The following FANCC variants were observed in gnomAD, a reference collection of about 807,000 sequenced individuals.
FANCC encodes the protein Fanconi anemia group C protein.
A neutral mutation model predicts 71.3 loss-of-function variants in FANCC; 55 were observed. That is an observed-to-expected ratio of 0.77 (90% CI 0.62 to 0.97). FANCC has a LOEUF of 0.97. Ranked by LOEUF, FANCC falls within the 50% of genes least tolerant of loss-of-function variation. The pLI is 0.00. For synonymous variants in FANCC, 275 were observed against 244.9 expected (o/e 1.12, Z -1.15); for missense variants, 678 against 670.9 (o/e 1.01, Z -0.12).
Position 95,171,950 on chromosome 9 carries a change from G to C in FANCC, c.456+87C>G, listed in dbSNP as rs185972354. ...AAAGAAAAGTTAAACATCTCTTCTG[G>C]AGGACTGAAATATTTCCATTTACTC... On this transcript the variant is annotated intron_variant, in intron 5 of 14. Transcript: ENST00000289081. 34 of 838,100 alleles carry C rather than the reference G, an allele frequency of 4.1e-5. No individual in the cohort carries two copies. In the East Asian group the frequency reaches 8.0e-4, roughly 20 times the overall value. The allele number at this position is 838,100 out of a possible 1,614,324, so 51.9% of individuals were successfully genotyped here. A position where few individuals can be genotyped will look rare whatever the true frequency, so the allele number is the denominator to read the frequency against.
chr9:95,150,514 C>T (rs1165058882), intron 6 of FANCC, among the ~76,000 whole-genome samples: 1 of 152,150 alleles, frequency 6.6e-6, no homozygotes, highest in African/African-American at 2.4e-5. Flanking sequence ...CACTGTCCTC[C>T]TAAGTGGAGA....
chr9:95,254,716 C>G (rs1831555141), intron 1 of FANCC, among the ~76,000 whole-genome samples: 1 of 152,152 alleles, frequency 6.6e-6, no homozygotes, highest in Admixed American at 6.5e-5. Flanking sequence ...CCTGGAACAC[C>G]AGCGAGACAG....
chr9:95,102,560 T>C (rs1404022109), intron 14 of FANCC, among the ~76,000 whole-genome samples: 1 of 152,254 alleles, frequency 6.6e-6, no homozygotes, highest in African/African-American at 2.4e-5. Context: ...AACCGATATA[T>C]TCACTTAGTG....
intron 1 of FANCC, among the ~76,000 whole-genome samples, chr9:95,256,580 A>C (rs1478915720): frequency 2.6e-5 from 4 of 152,218 alleles, no homozygotes; most frequent in Non-Finnish European, 2.9e-5. Flanking sequence ...CCACCGCAAA[A>C]AAATACCAAA....
chr9:95,130,299 T>TGTGAGAGAGA (rs369901906), intron 8 of FANCC, among the ~76,000 whole-genome samples: 1 of 149,192 alleles, frequency 6.7e-6, no homozygotes, highest in African/African-American at 2.5e-5. Flanking sequence ...TGTGTGTGTG[T>TGTGAGAGAGA]GAGAGAGAGA....
intron 4 of FANCC, among the ~76,000 whole-genome samples, chr9:95,212,304 A>T (rs1429659550): frequency 2.0e-5 from 3 of 152,210 alleles, no homozygotes; most frequent in African/African-American, 7.2e-5. Flanking sequence ...AAACCATACC[A>T]TGATACATCA....
intron 3 of FANCC, among the ~76,000 whole-genome samples, chr9:95,245,445 C>T (rs1199530515): frequency 6.6e-6 from 1 of 151,860 alleles, no homozygotes; most frequent in South Asian, 2.1e-4. Context: ...AGTGTTTTCT[C>T]CTATACACAT....
At chr9:95,111,069 A>C in intron 13 of FANCC, 1 of 1,493,184 alleles carries the variant, frequency 6.7e-7, no homozygotes, top group Non-Finnish European at 8.9e-7. Context: ...GCTGCTGGGG[A>C]GCGAGACAGG....
In FANCC at chr9:95,268,647, G is replaced by T. The variant is rs577308823; in HGVS notation, c.-78-19278C>A. 2.0e-5 allele frequency among the ~76,000 whole-genome samples: 3 copies of T among 152,246 alleles called. 1 individual carries two copies. In the South Asian group the frequency reaches 6.2e-4, roughly 32 times the overall value. ...CAATATAAAAAATCTTGGAAAACTG[G>T]TAACAATACACATCGTAATTGTTTG... On this transcript the variant is annotated intron_variant, in intron 1 of 14. Transcript: ENST00000289081.
chr9:95,181,709 G>A (rs1299276365), intron 4 of FANCC, among the ~76,000 whole-genome samples: 1 of 152,182 alleles, frequency 6.6e-6, no homozygotes, highest in Non-Finnish European at 1.5e-5. Flanking sequence ...CCTGACCACT[G>A]ATATAAAATC....
At chr9:95,190,856 C>T (rs1328633536) in intron 4 of FANCC, among the ~76,000 whole-genome samples, 3 of 152,186 alleles carry the variant, frequency 2.0e-5, no homozygotes, top group Non-Finnish European at 1.5e-5. Context: ...TTGTACAGTC[C>T]CATGATTTTA....
chr9:95,289,824 A>G (rs1338740287), intron 1 of FANCC, among the ~76,000 whole-genome samples: 1 of 151,798 alleles, frequency 6.6e-6, no homozygotes, highest in Non-Finnish European at 1.5e-5. Context: ...CTAATCTGAT[A>G]TTATTTTTAT....
At position 95,247,501 on chromosome 9, in the gene FANCC, T is replaced by C; in HGVS notation, c.181A>G (p.Ile61Val). Residue 61 changes from isoleucine to valine, a missense_variant, in exon 3 of 15, where the codon ATT (isoleucine) becomes GTT (valine). Coordinates refer to ENST00000289081, the MANE Select transcript of FANCC (RefSeq NM_000136.3). ...TGACCAATTGTGGGGAATCTTTCAA[T>C]GACTGTATTAGAATCCTGTGAAAGA... ...ALKEMDSNTV[I>V]ERFPTIGQLL... The C allele has an allele frequency of 6.2e-7, 1 of 1,613,216 alleles. No homozygotes were observed. The highest frequency in any genetic ancestry group is 8.5e-7 in the Non-Finnish European group (1 of 1,179,346).
At chr9:95,150,654 CT>C (rs1424948687) in intron 6 of FANCC, among the ~76,000 whole-genome samples, 1 of 152,228 alleles carries the variant, frequency 6.6e-6, no homozygotes, top group Admixed American at 6.5e-5. Flanking sequence ...CAACACTTGT[CT>C]GCTCAAAGCT....
At chr9:95,158,757 T>A (rs923160401) in intron 6 of FANCC, among the ~76,000 whole-genome samples, 8 of 152,186 alleles carry the variant, frequency 5.3e-5, no homozygotes, top group South Asian at 2.1e-4. Context: ...CAGATGTTTT[T>A]AAAAAGTCAT....
intron 4 of FANCC, among the ~76,000 whole-genome samples, chr9:95,211,810 G>A (rs574412755): frequency 7.4e-5 from 11 of 149,078 alleles, no homozygotes; most frequent in South Asian, 2.2e-4. Flanking sequence ...ACAATTACAC[G>A]TATTATAGGT....
chr9:95,240,345 T>C (rs1830564284), intron 4 of FANCC, among the ~76,000 whole-genome samples: 1 of 152,214 alleles, frequency 6.6e-6, no homozygotes, highest in Non-Finnish European at 1.5e-5. Context: ...TTTTGAAGGA[T>C]AGCAATTGCT....
chr9:95,316,241 C>A (rs979058769), intron 1 of FANCC, among the ~76,000 whole-genome samples: 2 of 152,144 alleles, frequency 1.3e-5, no homozygotes, highest in African/African-American at 4.8e-5. Flanking sequence ...TTCGATGCAG[C>A]CTTTCTTGTA....
At chr9:95,315,169 G>C (rs1365164614) in intron 1 of FANCC, among the ~76,000 whole-genome samples, 2 of 152,174 alleles carry the variant, frequency 1.3e-5, no homozygotes, top group African/African-American at 4.8e-5. Flanking sequence ...TCTCAAAATG[G>C]AGGTAAAACC....
Sources: gnomAD v4.1 joint callset for allele counts (sites outside exome capture counted in the v4.1 genomes callset) on GRCh38, gnomAD v4.1.1 for gene constraint, MANE v1.5 for transcripts, NCBI Gene and HGNC (gene_info 2026-07-23, HGNC 2026-07-21) for gene names.